The following UBE3A variants were observed in gnomAD, a reference collection of about 807,000 sequenced individuals.
UBE3A encodes the protein ubiquitin-protein ligase E3A.
In UBE3A, 6 loss-of-function variants were observed where a neutral mutation model predicts 83.4. The ratio of observed to expected loss-of-function variants is 0.07; its 90% CI spans 0.04 to 0.14. The LOEUF (loss-of-function observed/expected upper bound fraction) is 0.14, where lower values mean the gene tolerates loss of function less well. Ranked by LOEUF, UBE3A falls within the 10% of genes least tolerant of loss-of-function variation. The pLI, the probability that UBE3A is intolerant of heterozygous loss-of-function variation, is 1.00. For missense variants in UBE3A, 456 were observed against 1,036.1 expected (o/e 0.44, Z 7.69); for synonymous variants, 337 against 355.4 (o/e 0.95, Z 0.58).
At chr15:25,418,322 C>A (rs906619021) in intron 1 of UBE3A, 25 of 152,196 alleles carry the variant, frequency 1.6e-4, no homozygotes, top group Middle Eastern at 6.8e-3. Context: ...TATGTCCACA[C>A]AGAGACTTCT....
chr15:25,422,158 G>C (rs1890015637), intron 1 of UBE3A, among the ~76,000 whole-genome samples: 1 of 152,142 alleles, frequency 6.6e-6, no homozygotes. Context: ...TCAAAAACAT[G>C]CCAAGTGAAA....
At chr15:25,361,288 GC>G (rs1416482093) in intron 6 of UBE3A, among the ~76,000 whole-genome samples, 1 of 152,018 alleles carries the variant, frequency 6.6e-6, no homozygotes, top group African/African-American at 2.4e-5. Flanking sequence ...ACTACGCCTG[GC>G]TAAATTTTTT....
intron 1 of UBE3A, among the ~76,000 whole-genome samples, chr15:25,413,284 ACCTC>A (rs1196253181): frequency 6.6e-6 from 1 of 151,956 alleles, no homozygotes; most frequent in African/African-American, 2.4e-5. Context: ...ATCTATATCT[ACCTC>A]CCTAAAATTT....
At chr15:25,351,206 C>G (rs78368543) in intron 11 of UBE3A, among the ~76,000 whole-genome samples, 366 of 152,230 alleles carry the variant, frequency 2.4e-3, no homozygotes, top group Admixed American at 6.3e-3. Flanking sequence ...TACATGTATA[C>G]AGATCCTATA....
At chr15:25,351,866 T>G (rs928931255) in intron 11 of UBE3A, among the ~76,000 whole-genome samples, 49 of 152,206 alleles carry the variant, frequency 3.2e-4, no homozygotes, top group Non-Finnish European at 2.1e-4. Context: ...TTTTTTTGAT[T>G]GGTAATTTTT....
intron 11 of UBE3A, among the ~76,000 whole-genome samples, chr15:25,351,011 C>G (rs943224965): frequency 6.6e-6 from 1 of 152,150 alleles, no homozygotes; most frequent in Non-Finnish European, 1.5e-5. Context: ...TTTTTAAAAA[C>G]TAACCCAATT....
At chr15:25,429,511 T>C (rs565650921) in intron 1 of UBE3A, among the ~76,000 whole-genome samples, 3 of 152,044 alleles carry the variant, frequency 2.0e-5, no homozygotes, top group African/African-American at 7.2e-5. Context: ...AATATAAACC[T>C]CCCTACTTCA....
In UBE3A at chr15:25,354,641, C is replaced by A. The variant is rs780996570; in HGVS notation, c.2167G>T (p.Val723Leu). Residue 723 changes from valine (V) to leucine (L), a missense_variant, in exon 10 of 13, where the codon GTA becomes TTA. Physicochemically the swap from Val to Leu is conservative, Grantham distance 32 (BLOSUM62 1). This residue lies in a region of UBE3A where 82 missense variants were observed against 199.3 expected (regional missense o/e 0.41). Coordinates refer to ENST00000648336, the MANE Select transcript of UBE3A (RefSeq NM_130839.5). ...LYSDYILNKS[V>L]EKQFKAFRRG... is the part of the protein sequence containing the mutation. ...CGAAAAGCCTTGAACTGTTTTTCTA[C>A]TGATTTATTGAGAATGTAGTCAGAA... 1.2e-6 allele frequency: 2 copies of A among 1,613,520 alleles called. No individual in the cohort carries two copies. Among genetic ancestry groups the A allele is most frequent in the Non-Finnish European group, 1.7e-6 (2 of 1,179,798 alleles).
chr15:25,364,268 T>G (rs2078653373), intron 6 of UBE3A, among the ~76,000 whole-genome samples: 1 of 152,014 alleles, frequency 6.6e-6, no homozygotes, highest in East Asian at 1.9e-4. Flanking sequence ...TAAAACTATT[T>G]TATTTTAAAT....
chr15:25,343,473 T>C (rs1177100800), intron 11 of UBE3A, among the ~76,000 whole-genome samples: 1 of 152,068 alleles, frequency 6.6e-6, no homozygotes, highest in Non-Finnish European at 1.5e-5. Context: ...AAGGTAACTT[T>C]GGAAATAAAG....
rs1342162211 is a variant in UBE3A, at chr15:25,336,174, A to G, written c.*2963T>C. 6.6e-6 allele frequency: 1 copy of G among 152,236 alleles called. No homozygotes were observed. Among genetic ancestry groups the G allele is most frequent in the Non-Finnish European group, 1.5e-5 (1 of 68,056 alleles). 9.4% of individuals were successfully genotyped at this position (152,236 alleles called of 1,614,324 possible). A position where few individuals can be genotyped will look rare whatever the true frequency, so the allele number is the denominator to read the frequency against. ...TTTACACACTAACACTGTTGAGGTA[A>G]AAGGAGACAAGTGAGGGAGCAAATG... On this transcript the variant is annotated 3_prime_UTR_variant, in exon 13 of 13. Coordinates refer to ENST00000648336, the MANE Select transcript of UBE3A (RefSeq NM_130839.5).
intron 4 of UBE3A, among the ~76,000 whole-genome samples, chr15:25,385,391 A>G (rs2082935697): frequency 6.6e-6 from 1 of 152,166 alleles, no homozygotes; most frequent in South Asian, 2.1e-4. Flanking sequence ...TAAAACTGCA[A>G]TGATACATCA....
chr15:25,354,157 ACACTT>A, intron 11 of UBE3A, 191 bp downstream of exon 11: 1 of 626,464 alleles, frequency 1.6e-6, no homozygotes, highest in Non-Finnish European at 2.8e-6. Context: ...ATATATAACA[ACACTT>A]CATTCATGAA....
At chr15:25,363,046 T>G (rs2078386445) in intron 6 of UBE3A, among the ~76,000 whole-genome samples, 1 of 152,152 alleles carries the variant, frequency 6.6e-6, no homozygotes, top group South Asian at 2.1e-4. Context: ...GGCCCTGTGT[T>G]CTATCTAGTC....
intron 7 of UBE3A, chr15:25,357,275 A>C (rs561949386): frequency 5.8e-4 from 101 of 172,898 alleles, no homozygotes; most frequent in Middle Eastern, 5.8e-3. Flanking sequence ...AAAAATGGCT[A>C]CATTTCCAAA....
intron 6 of UBE3A, among the ~76,000 whole-genome samples, chr15:25,363,970 T>C (rs1454162742): frequency 6.6e-6 from 1 of 151,724 alleles, no homozygotes; most frequent in South Asian, 2.1e-4. Context: ...TGCAGGCAGA[T>C]TGCCTGAGCC....
At chr15:25,391,749 A>T (rs1391300587) in intron 4 of UBE3A, 1 of 152,246 alleles carries the variant, frequency 6.6e-6, no homozygotes, top group Non-Finnish European at 1.5e-5. Flanking sequence ...GAAAGAAAAC[A>T]AGTTTAAGAT....
intron 4 of UBE3A, among the ~76,000 whole-genome samples, chr15:25,384,838 AGAG>A (rs2082828406): frequency 6.6e-6 from 1 of 152,206 alleles, no homozygotes; most frequent in Non-Finnish European, 1.5e-5. Flanking sequence ...TGAGCAGAAG[AGAG>A]AACACAGAAA....
chr15:25,387,438 C>A (rs987133306), intron 4 of UBE3A, among the ~76,000 whole-genome samples: 3 of 151,916 alleles, frequency 2.0e-5, no homozygotes, highest in African/African-American at 7.3e-5. Context: ...AAGAGAATGG[C>A]GTGAACCCGG....
Sources: gnomAD v4.1 joint callset for allele counts (sites outside exome capture counted in the v4.1 genomes callset) on GRCh38, gnomAD v4.1.1 for gene constraint, gnomAD v4.1.1 regional missense constraint, MANE v1.5 for transcripts, NCBI Gene and HGNC (gene_info 2026-07-23, HGNC 2026-07-21) for gene names.